MYO3B: variants seen among roughly 807,000 people sequenced by gnomAD.
MYO3B encodes the protein myosin IIIB, also known as myosin-IIIb.
A neutral mutation model predicts 174.6 loss-of-function variants in MYO3B; 156 were observed. The ratio of observed to expected loss-of-function variants is 0.89; its 90% CI spans 0.78 to 1.02. The LOEUF (loss-of-function observed/expected upper bound fraction) is 1.02. Among genes scored for constraint, MYO3B ranks in the 50% least tolerant of loss-of-function variants. The pLI is 0.00. For synonymous variants in MYO3B, 563 were observed against 569.1 expected, an observed-to-expected ratio of 0.99 and a Z score of 0.15; for missense variants, 1,632 against 1,639.4, an observed-to-expected ratio of 1.00 and a Z score of 0.08.
intron 28 of MYO3B, among the ~76,000 whole-genome samples, chr2:170,511,063 T>G (rs1023157347): frequency 6.7e-6 from 1 of 148,756 alleles, no homozygotes; most frequent in African/African-American, 2.5e-5. Flanking sequence ...TTCCTTTTGT[T>G]TTTTTTTTTT....
intron 1 of MYO3B, among the ~76,000 whole-genome samples, chr2:170,188,551 C>CT (rs1401153940): frequency 6.6e-6 from 1 of 151,820 alleles, no homozygotes; most frequent in Non-Finnish European, 1.5e-5. Flanking sequence ...TCTTTCTTTC[C>CT]TTTTTTTCTT....
At chr2:170,624,054 G>A (rs1171220861) in intron 32 of MYO3B, among the ~76,000 whole-genome samples, 5 of 152,148 alleles carry the variant, frequency 3.3e-5, no homozygotes, top group Admixed American at 1.3e-4. Flanking sequence ...TTGGCAATGT[G>A]GGCTCTTTTT....
At chr2:170,479,991 T>C (rs1308219199) in intron 25 of MYO3B, among the ~76,000 whole-genome samples, 1 of 148,176 alleles carries the variant, frequency 6.7e-6, no homozygotes, top group East Asian at 2.0e-4. Context: ...ATTAAACCTA[T>C]ATATATGTGT....
Position 170,653,245 on chromosome 2 carries a change from C to T in MYO3B, c.*124C>T, listed in dbSNP as rs1454089043. 6.3e-6 allele frequency: 7 copies of T among 1,119,202 alleles called. No individual in the cohort carries two copies. In the Middle Eastern group the frequency reaches 6.2e-4, roughly 99 times the overall value. The allele number at this position is 1,119,202 out of a possible 1,614,324, so 69.3% of individuals were successfully genotyped here. ...TTTGGACATATGGTCCATGCCTGAA[C>T]CTTACTGAACCACTTGCAGATTCCA... On this transcript the variant is annotated 3_prime_UTR_variant, in exon 35 of 35. Transcript: ENST00000408978.
At chr2:170,595,942 G>T (rs1694121838) in intron 32 of MYO3B, among the ~76,000 whole-genome samples, 1 of 152,126 alleles carries the variant, frequency 6.6e-6, no homozygotes, top group African/African-American at 2.4e-5. Flanking sequence ...TCTTAGTGAG[G>T]ACCTTTTACA....
chr2:170,228,189 T>A (rs1413284036), intron 6 of MYO3B, among the ~76,000 whole-genome samples: 1 of 152,158 alleles, frequency 6.6e-6, no homozygotes, highest in Non-Finnish European at 1.5e-5. Flanking sequence ...GCATTCTCCA[T>A]AATTATAAGG....
intron 7 of MYO3B, among the ~76,000 whole-genome samples, chr2:170,320,665 C>T (rs1490398933): frequency 6.6e-6 from 1 of 151,380 alleles, no homozygotes; most frequent in Admixed American, 6.6e-5. Context: ...TTATGTATGT[C>T]ATATGTAAAT....
At chr2:170,186,297 C>T (rs1178950862) in intron 1 of MYO3B, among the ~76,000 whole-genome samples, 1 of 131,172 alleles carries the variant, frequency 7.6e-6, no homozygotes, top group Non-Finnish European at 1.7e-5. Flanking sequence ...TATGTTCCTT[C>T]TATACCCAGT....
intron 5 of MYO3B, 117 bp from the exon 6 acceptor site, chr2:170,217,202 A>C (rs1021615271): frequency 3.7e-6 from 3 of 817,458 alleles, no homozygotes; most frequent in Non-Finnish European, 6.4e-6. Flanking sequence ...TGTGACAGAG[A>C]CCATATGGCC....
intron 28 of MYO3B, among the ~76,000 whole-genome samples, chr2:170,506,224 G>C (rs948078627): frequency 2.0e-5 from 3 of 152,248 alleles, no homozygotes; most frequent in Admixed American, 6.5e-5. Context: ...AGAAGAGAAA[G>C]CAAACATCGT....
chr2:170,383,562 A>T, intron 11 of MYO3B, 148 bp from the exon 12 acceptor site: 1 of 618,486 alleles, frequency 1.6e-6, no homozygotes, highest in Non-Finnish European at 2.9e-6. Context: ...ATTTGAACTC[A>T]GTCCTGCAGG....
chr2:170,601,613 T>TTATA lies in MYO3B; in HGVS notation c.3734-50014_3734-50013insATAT, dbSNP rs1384656348. On this transcript the variant is annotated intron_variant, in intron 32 of 34. Coordinates refer to ENST00000408978, the MANE Select transcript of MYO3B (RefSeq NM_138995.5). ...AAAAAACTAGGCTAGAACCAACTTA[T>TTATA]TCATCATCATCTTCTTCATCTTCCT... is the stretch of plus-strand genomic sequence containing the variant. 2.5e-6 allele frequency: 3 copies of TTATA among 1,222,496 alleles called. No homozygotes were observed. The East Asian group carries it at 7.0e-5, about 28-fold the overall frequency. The allele number at this position is 1,222,496 out of a possible 1,614,324, so 75.7% of individuals were successfully genotyped here.
chr2:170,325,216 G>GT (rs988102834), intron 7 of MYO3B, among the ~76,000 whole-genome samples: 14 of 150,808 alleles, frequency 9.3e-5, no homozygotes, highest in African/African-American at 1.9e-4. Context: ...GTTTGGTTTG[G>GT]TTTTTTTTTG....
At chr2:170,218,460 A>G (rs1261448240) in intron 6 of MYO3B, among the ~76,000 whole-genome samples, 1 of 152,254 alleles carries the variant, frequency 6.6e-6, no homozygotes, top group South Asian at 2.1e-4. Context: ...GTAACATTCA[A>G]GTAAGCAGCT....
chr2:170,601,578 T>C, intron 32 of MYO3B: 2 of 1,054,182 alleles, frequency 1.9e-6, no homozygotes, highest in Admixed American at 1.9e-5. Context: ...AAATGCTTTA[T>C]AGACAAGGAA....
intron 8 of MYO3B, among the ~76,000 whole-genome samples, chr2:170,367,174 T>A (rs1249807429): frequency 6.6e-6 from 1 of 152,226 alleles, no homozygotes; most frequent in Non-Finnish European, 1.5e-5. Context: ...CTGGTCCTTT[T>A]GTTCATTCTT....
chr2:170,274,896 C>A (rs2093453096), intron 7 of MYO3B, among the ~76,000 whole-genome samples: 1 of 152,082 alleles, frequency 6.6e-6, no homozygotes, highest in Non-Finnish European at 1.5e-5. Context: ...TTACCCAATT[C>A]TTTTTCTTTT....
intron 7 of MYO3B, among the ~76,000 whole-genome samples, chr2:170,308,628 C>A (rs751864328): frequency 2.6e-5 from 4 of 152,162 alleles, no homozygotes; most frequent in Non-Finnish European, 5.9e-5. Context: ...TTCATATACT[C>A]ATGTTGATTT....
intron 8 of MYO3B, among the ~76,000 whole-genome samples, chr2:170,359,879 A>G (rs2094148364): frequency 6.6e-6 from 1 of 152,200 alleles, no homozygotes; most frequent in Non-Finnish European, 1.5e-5. Context: ...CAAATGTCTC[A>G]TTCCAGGCAT....
Sources: gnomAD v4.1 joint callset for allele counts (sites outside exome capture counted in the v4.1 genomes callset) on GRCh38, gnomAD v4.1.1 for gene constraint, MANE v1.5 for transcripts, NCBI Gene and HGNC (gene_info 2026-07-23, HGNC 2026-07-21) for gene names.